Variants in NEGR1 observed in about 807,000 individuals in gnomAD.
NEGR1 encodes IgLON family member 4.
A neutral mutation model predicts 40.9 loss-of-function variants in NEGR1; 10 were observed. The observed-to-expected ratio is 0.24, with a 90% CI of 0.15 to 0.42. The LOEUF (loss-of-function observed/expected upper bound fraction) is 0.42, where lower values mean the gene tolerates loss of function less well. NEGR1 is among the 10% of genes least tolerant of loss of function. The pLI is 1.00. For missense variants in NEGR1, 352 were observed against 438.9 expected (o/e 0.80, Z 1.77); for synonymous variants, 185 against 166.8 (o/e 1.11, Z -0.84).
intron 1 of NEGR1, among the ~76,000 whole-genome samples, chr1:72,128,022 G>C (rs1650098139): frequency 6.6e-6 from 1 of 152,034 alleles, no homozygotes; most frequent in Non-Finnish European, 1.5e-5. Context: ...ATATAACTAA[G>C]TCTCTAAAAT....
At chr1:71,519,721 G>A (rs1405888084) in intron 6 of NEGR1, among the ~76,000 whole-genome samples, 4 of 92,854 alleles carry the variant, frequency 4.3e-5, no homozygotes, top group Non-Finnish European at 6.1e-5. Context: ...CTAACACTTA[G>A]AGTATAATAA....
At chr1:72,103,535 G>A (rs1479843159) in intron 1 of NEGR1, among the ~76,000 whole-genome samples, 1 of 152,062 alleles carries the variant, frequency 6.6e-6, no homozygotes, top group Non-Finnish European at 1.5e-5. Flanking sequence ...AAAATAGGCA[G>A]TCATTATGTC....
At chr1:72,050,409 T>C (rs1439549269) in intron 1 of NEGR1, among the ~76,000 whole-genome samples, 1 of 151,540 alleles carries the variant, frequency 6.6e-6, no homozygotes, top group Non-Finnish European at 1.5e-5. Flanking sequence ...TTTGAATAAT[T>C]ATTTTTAGTG....
chr1:71,830,623 G>T lies in NEGR1; in HGVS notation c.410-54326C>A, dbSNP rs534859903. On this transcript the variant is annotated intron_variant, in intron 2 of 6. Coordinates refer to ENST00000357731, the MANE Select transcript of NEGR1 (RefSeq NM_173808.3). Reference sequence around the variant, plus strand: ...AAGTAAAGCAGTTAGTTCAATGTTAGTAAGAGTCAAAGAAAAAAACAGAGC... The same window carrying T: ...AAGTAAAGCAGTTAGTTCAATGTTATTAAGAGTCAAAGAAAAAAACAGAGC... 6.6e-5 allele frequency among the ~76,000 whole-genome samples: 10 copies of T among 151,964 alleles called. No homozygotes were observed. In the South Asian group the frequency reaches 2.1e-3, roughly 32 times the overall value.
chr1:71,953,334 A>T lies in NEGR1; in HGVS notation c.177-18023T>A, dbSNP rs577098384. Among the ~76,000 whole-genome samples, 722 of 152,066 alleles carry T rather than the reference A, an allele frequency of 4.7e-3. 6 individuals carry two copies. The highest frequency in any genetic ancestry group is 0.016 in the African/African-American group (658 of 41,536). Reference sequence around the variant, plus strand: ...GAGATGCGGTGGAAATAGTAAGACAACTATAACTAGAAGTGGAGCCTGAAG... The same window carrying T: ...GAGATGCGGTGGAAATAGTAAGACATCTATAACTAGAAGTGGAGCCTGAAG... On this transcript the variant is annotated intron_variant, in intron 1 of 6. Transcript: ENST00000357731.
chr1:72,261,220 C>A (rs1192735731), intron 1 of NEGR1, among the ~76,000 whole-genome samples: 1 of 152,008 alleles, frequency 6.6e-6, no homozygotes, highest in East Asian at 1.9e-4. Flanking sequence ...TTTTTCACTA[C>A]CCTTTCACAT....
chr1:72,076,127 GA>G (rs1647721779), intron 1 of NEGR1, among the ~76,000 whole-genome samples: 1 of 152,104 alleles, frequency 6.6e-6, no homozygotes, highest in Non-Finnish European at 1.5e-5. Context: ...GTTACAACTA[GA>G]TGTAGCCATA....
intron 1 of NEGR1, among the ~76,000 whole-genome samples, chr1:72,104,848 A>G (rs1446555340): frequency 6.6e-6 from 1 of 152,284 alleles, no homozygotes; most frequent in African/African-American, 2.4e-5. Context: ...ATTTGTAAAC[A>G]AACACAACTA....
chr1:71,615,702 G>A (rs1570109567), intron 4 of NEGR1, among the ~76,000 whole-genome samples: 1 of 152,168 alleles, frequency 6.6e-6, no homozygotes, highest in Admixed American at 6.5e-5. Flanking sequence ...CATGGTAAAA[G>A]CTTTGAATTT....
At chr1:72,258,478 T>C (rs773731591) in intron 1 of NEGR1, among the ~76,000 whole-genome samples, 1 of 152,048 alleles carries the variant, frequency 6.6e-6, no homozygotes, top group African/African-American at 2.4e-5. Context: ...TATCGCTGAC[T>C]TAGAGTGAAA....
At chr1:71,527,110 A>G (rs1647226094) in intron 6 of NEGR1, among the ~76,000 whole-genome samples, 2 of 151,596 alleles carry the variant, frequency 1.3e-5, no homozygotes, top group Admixed American at 1.3e-4. Context: ...TTTCTCTTAT[A>G]GCACATATTG....
intron 2 of NEGR1, among the ~76,000 whole-genome samples, chr1:71,854,767 T>C (rs756834420): frequency 2.0e-5 from 3 of 151,930 alleles, no homozygotes; most frequent in Non-Finnish European, 4.4e-5. Context: ...ATAAAACCAT[T>C]AGATCTTGTG....
intron 1 of NEGR1, among the ~76,000 whole-genome samples, chr1:71,983,471 A>C (rs189794417): frequency 6.6e-6 from 1 of 152,304 alleles, no homozygotes; most frequent in Admixed American, 6.5e-5. Flanking sequence ...TGGACCACAT[A>C]ATGGAAGGAG....
intron 2 of NEGR1, among the ~76,000 whole-genome samples, chr1:71,782,948 G>T (rs72678955): frequency 1.7e-4 from 25 of 150,650 alleles, no homozygotes; most frequent in Non-Finnish European, 4.4e-5. Context: ...TTAACAGAAT[G>T]GTCTGTCACA....
intron 1 of NEGR1, among the ~76,000 whole-genome samples, chr1:72,189,603 G>T (rs1652742974): frequency 6.6e-6 from 1 of 151,498 alleles, no homozygotes; most frequent in South Asian, 2.1e-4. Context: ...CTAGTACTAT[G>T]GGAGTCCAAA....
chr1:71,772,014 C>T (rs900424466), intron 3 of NEGR1, among the ~76,000 whole-genome samples: 12 of 152,050 alleles, frequency 7.9e-5, no homozygotes, highest in Admixed American at 3.9e-4. Flanking sequence ...AAGGAATAAA[C>T]TATATGATGT....
chr1:71,622,143 T>C (rs1327050671), intron 4 of NEGR1, among the ~76,000 whole-genome samples: 1 of 151,962 alleles, frequency 6.6e-6, no homozygotes, highest in Non-Finnish European at 1.5e-5. Flanking sequence ...GGCCACCAGC[T>C]GTATCAACAG....
At chr1:71,836,397 C>A (rs890017176) in intron 2 of NEGR1, among the ~76,000 whole-genome samples, 1 of 150,738 alleles carries the variant, frequency 6.6e-6, no homozygotes, top group Non-Finnish European at 1.5e-5. Flanking sequence ...TCATTGCACT[C>A]CAGCCTGGGC....
intron 4 of NEGR1, among the ~76,000 whole-genome samples, chr1:71,656,540 G>C (rs1028766415): frequency 2.0e-5 from 3 of 152,036 alleles, no homozygotes; most frequent in African/African-American, 7.2e-5. Flanking sequence ...AGCCTCCCGA[G>C]TAGCTGGGAT....
Sources: allele counts gnomAD v4.1 joint callset (sites outside exome capture counted in the v4.1 genomes callset), GRCh38; gene constraint gnomAD v4.1.1; transcripts MANE v1.5; gene names NCBI Gene and HGNC (gene_info 2026-07-23, HGNC 2026-07-21).